Variants in NTM observed in about 807,000 individuals in gnomAD.
NTM encodes the protein IgLON family member 2.
NTM carries 13 observed loss-of-function variants against 42.1 expected under a neutral mutation model. The observed-to-expected ratio is 0.31, with a 90% CI of 0.20 to 0.49. The LOEUF is 0.49. Among genes scored for constraint, NTM ranks in the 20% least tolerant of loss-of-function variants. The pLI is 0.99. For synonymous variants in NTM, 187 were observed against 179.2 expected, an observed-to-expected ratio of 1.04 and a Z score of -0.35; for missense variants, 373 against 452.8, an observed-to-expected ratio of 0.82 and a Z score of 1.60.
chr11:132,019,526 C>A (rs2073998636), intron 2 of NTM, among the ~76,000 whole-genome samples: 2 of 151,926 alleles, frequency 1.3e-5, no homozygotes, highest in Non-Finnish European at 2.9e-5. Flanking sequence ...AGTATTACAT[C>A]CTCCTGATAT....
chr11:131,831,703 A>T (rs994527562), intron 1 of NTM, among the ~76,000 whole-genome samples: 5 of 152,138 alleles, frequency 3.3e-5, no homozygotes, highest in African/African-American at 1.2e-4. Flanking sequence ...TCTAGGGAAA[A>T]GTCTTCTGGA....
chr11:132,152,423 A>T (rs2072153310), intron 3 of NTM, among the ~76,000 whole-genome samples: 1 of 152,254 alleles, frequency 6.6e-6, no homozygotes, highest in Non-Finnish European at 1.5e-5. Flanking sequence ...TGATCATCCC[A>T]AACTGCTTTC....
At chr11:131,397,398 G>A (rs1403614849) in intron 1 of NTM, among the ~76,000 whole-genome samples, 1 of 152,004 alleles carries the variant, frequency 6.6e-6, no homozygotes, top group African/African-American at 2.4e-5. Flanking sequence ...TTATACAGGG[G>A]TAAACTGAGG....
rs187042306 is a variant in NTM, at chr11:131,851,796, C to T, written c.83-59768C>T. On this transcript the variant is annotated intron_variant, in intron 1 of 8. Transcript: ENST00000683400. Reference sequence around the variant, plus strand: ...ATAACTGCCAAATGATGGACCAAAGCATGGCCCATAGATTATCTAACACTT... The same window carrying T: ...ATAACTGCCAAATGATGGACCAAAGTATGGCCCATAGATTATCTAACACTT... 2.9e-4 allele frequency among the ~76,000 whole-genome samples: 44 copies of T among 152,154 alleles called. 2 individuals are homozygous for T. In the East Asian group the frequency reaches 3.3e-3, roughly 11 times the overall value.
At chr11:131,462,106 G>A (rs990875978) in intron 1 of NTM, among the ~76,000 whole-genome samples, 2 of 152,200 alleles carry the variant, frequency 1.3e-5, no homozygotes, top group African/African-American at 4.8e-5. Context: ...AGAAGAAAGA[G>A]TTGCTGATAT....
At chr11:131,583,204 A>G (rs1419610980) in intron 1 of NTM, among the ~76,000 whole-genome samples, 1 of 152,144 alleles carries the variant, frequency 6.6e-6, no homozygotes, top group Middle Eastern at 3.2e-3. Flanking sequence ...TAAGCTGAAT[A>G]CCAGCCTGCT....
At chr11:131,658,894 C>G (rs965018846) in intron 1 of NTM, among the ~76,000 whole-genome samples, 10 of 152,128 alleles carry the variant, frequency 6.6e-5, no homozygotes, top group African/African-American at 9.7e-5. Context: ...TCGCTTGAAC[C>G]AGGGCATCAG....
chr11:131,593,432 AG>A (rs1160111051), intron 1 of NTM, among the ~76,000 whole-genome samples: 1 of 152,212 alleles, frequency 6.6e-6, no homozygotes, highest in Non-Finnish European at 1.5e-5. Context: ...CGTGTCAGGC[AG>A]GGGACTGAGC....
At position 131,806,355 on chromosome 11, in the gene NTM, A is replaced by G. The variant is rs76893355; in HGVS notation, c.83-105209A>G. Among the ~76,000 whole-genome samples the G allele has an allele frequency of 5.9e-3, 902 of 152,310 alleles. 14 individuals carry two copies. The highest frequency in any genetic ancestry group is 0.021 in the African/African-American group (853 of 41,570). On this transcript the variant is annotated intron_variant, in intron 1 of 8. Transcript: ENST00000683400. ...TTCAGTTTTTCTTTTGAAAAAAGAT[A>G]TGTGGTTAAAACTGCCCCACTTAGA...
chr11:131,823,306 A>G (rs1263337713), intron 1 of NTM, among the ~76,000 whole-genome samples: 2 of 152,152 alleles, frequency 1.3e-5, no homozygotes, highest in African/African-American at 4.8e-5. Flanking sequence ...TCAGCCTCTC[A>G]CAGCTTTGTT....
chr11:131,510,872 T>A (rs1373794972), intron 1 of NTM, among the ~76,000 whole-genome samples: 1 of 152,162 alleles, frequency 6.6e-6, no homozygotes, highest in Non-Finnish European at 1.5e-5. Flanking sequence ...CACGGCCCCC[T>A]GGGCCGTGGG....
intron 1 of NTM, among the ~76,000 whole-genome samples, chr11:131,492,814 C>T (rs1006291960): frequency 1.3e-5 from 2 of 152,148 alleles, no homozygotes; most frequent in African/African-American, 2.4e-5. Context: ...ATACGCAGAT[C>T]TGTACTAGAT....
chr11:132,222,997 T>C (rs575655248), intron 4 of NTM, among the ~76,000 whole-genome samples: 1 of 152,348 alleles, frequency 6.6e-6, no homozygotes, highest in East Asian at 1.9e-4. Context: ...ATCTGCAAGA[T>C]AGAAAAAGAC....
At chr11:131,765,131 C>T (rs2084905182) in intron 1 of NTM, among the ~76,000 whole-genome samples, 1 of 152,150 alleles carries the variant, frequency 6.6e-6, no homozygotes. Context: ...GAGCCGTCCT[C>T]CTGGGACAAA....
chr11:131,619,501 A>AATTG (rs1229938011), intron 1 of NTM, among the ~76,000 whole-genome samples: 2 of 152,208 alleles, frequency 1.3e-5, no homozygotes, highest in African/African-American at 4.8e-5. Flanking sequence ...GAAAGAAAGA[A>AATTG]ATTGAAAGTA....
intron 1 of NTM, among the ~76,000 whole-genome samples, chr11:131,874,466 G>T (rs953863454): frequency 6.6e-6 from 1 of 152,046 alleles, no homozygotes; most frequent in African/African-American, 2.4e-5. Context: ...AAATATTGTT[G>T]CACACCGTAT....
At chr11:131,853,819 C>T (rs536505354) in intron 1 of NTM, among the ~76,000 whole-genome samples, 1 of 152,308 alleles carries the variant, frequency 6.6e-6, no homozygotes, top group African/African-American at 2.4e-5. Context: ...AATCACCAGT[C>T]TGTCTTCCAC....
chr11:132,027,066 A>G (rs1386078144), intron 2 of NTM, among the ~76,000 whole-genome samples: 2 of 152,218 alleles, frequency 1.3e-5, no homozygotes, highest in Admixed American at 6.5e-5. Flanking sequence ...AATTATCCCA[A>G]TTTAGTACAA....
intron 3 of NTM, among the ~76,000 whole-genome samples, chr11:132,192,730 C>G (rs2079510119): frequency 6.6e-6 from 1 of 151,998 alleles, no homozygotes. Flanking sequence ...GAAGCAAGAC[C>G]CAACAGTCTG....
Sources: allele counts gnomAD v4.1 joint callset (sites outside exome capture counted in the v4.1 genomes callset), GRCh38; gene constraint gnomAD v4.1.1; transcripts MANE v1.5; gene names NCBI Gene and HGNC (gene_info 2026-07-23, HGNC 2026-07-21).